Variants in GATAD2B observed in about 807,000 individuals in gnomAD.
GATAD2B encodes the protein transcriptional repressor p66-beta.
Under a neutral mutation model 64.3 loss-of-function variants are expected in GATAD2B, and 8 were observed. The observed-to-expected ratio is 0.12, with a 90% CI of 0.07 to 0.22. GATAD2B has a LOEUF of 0.22. Among genes scored for constraint, GATAD2B ranks in the 10% least tolerant of loss-of-function variants. The pLI is 1.00. For missense variants in GATAD2B, 453 were observed against 752.0 expected, an observed-to-expected ratio of 0.60 and a Z score of 4.65; for synonymous variants, 281 against 271.3, an observed-to-expected ratio of 1.04 and a Z score of -0.35.
intron 1 of GATAD2B, among the ~76,000 whole-genome samples, chr1:153,870,191 T>TCC (rs1341205175): frequency 6.6e-6 from 1 of 152,128 alleles, no homozygotes; most frequent in East Asian, 1.9e-4. Context: ...CCTCAAAAGA[T>TCC]CCACCTGCCT....
intron 9 of GATAD2B, 29 bp downstream of exon 9, chr1:153,811,993 A>G (rs2101875153): frequency 7.0e-7 from 1 of 1,419,908 alleles, no homozygotes; most frequent in South Asian, 1.2e-5. Context: ...TCTTCTAAAG[A>G]AATCAGGATC....
At chr1:153,828,580 A>T (rs572506923) in intron 1 of GATAD2B, among the ~76,000 whole-genome samples, 1 of 152,256 alleles carries the variant, frequency 6.6e-6, no homozygotes, top group African/African-American at 2.4e-5. Context: ...CAACCCAGCA[A>T]TTTAAGTAAA....
At chr1:153,824,372 A>G (rs547485682) in intron 2 of GATAD2B, among the ~76,000 whole-genome samples, 3 of 152,296 alleles carry the variant, frequency 2.0e-5, no homozygotes, top group South Asian at 4.1e-4. Context: ...GCTCACGCCC[A>G]TAATCCCGGC....
Position 153,824,150 on chromosome 1 carries a change from T to C in GATAD2B, c.335+3863A>G, listed in dbSNP as rs533323036. Among the ~76,000 whole-genome samples the C allele has an allele frequency of 1.3e-4, 20 of 152,324 alleles. No homozygotes were observed. The South Asian group carries it at 3.9e-3, about 30-fold the overall frequency. ...ACCCCATGTTGGGTACAGCGGCCCA[T>C]GCCTAATAGTCCCAGCTACTCAGGA... is the stretch of plus-strand genomic sequence containing the variant. On this transcript the variant is annotated intron_variant, in intron 2 of 10. Coordinates refer to ENST00000368655, the MANE Select transcript of GATAD2B (RefSeq NM_020699.4).
In GATAD2B at chr1:153,832,996, A is replaced by C. The variant is rs930116988; in HGVS notation, c.-1-4648T>G. Among the ~76,000 whole-genome samples the C allele has an allele frequency of 2.0e-5, 3 of 152,208 alleles. 1 individual carries two copies. The highest frequency in any genetic ancestry group is 2.0e-4 in the Admixed American group (3 of 15,276). ...GAGGCTAATATGGCTGGTGACTTTAAATTGAAGTCAGTGATCATTTACCAT... is the reference window on the plus strand; with the variant it reads ...GAGGCTAATATGGCTGGTGACTTTACATTGAAGTCAGTGATCATTTACCAT... On this transcript the variant is annotated intron_variant, in intron 1 of 10. Coordinates refer to ENST00000368655, the MANE Select transcript of GATAD2B (RefSeq NM_020699.4).
chr1:153,855,356 GTAGCTGGGAT>G (rs562521980), intron 1 of GATAD2B, among the ~76,000 whole-genome samples: 43 of 151,998 alleles, frequency 2.8e-4, no homozygotes, highest in South Asian at 4.2e-4. Context: ...AGCCTCCCGA[GTAGCTGGGAT>G]TACAGACAGG....
chr1:153,883,627 G>A (rs774031016), intron 1 of GATAD2B, among the ~76,000 whole-genome samples: 1 of 152,002 alleles, frequency 6.6e-6, no homozygotes, highest in Non-Finnish European at 1.5e-5. Flanking sequence ...TGGTAAGTAT[G>A]ATTGTCTATT....
chr1:153,823,902 G>C (rs916351214), intron 2 of GATAD2B, among the ~76,000 whole-genome samples: 5 of 151,648 alleles, frequency 3.3e-5, no homozygotes, highest in Non-Finnish European at 5.9e-5. Context: ...GCTAATTTTT[G>C]TATTTTTAGT....
intron 1 of GATAD2B, among the ~76,000 whole-genome samples, chr1:153,893,152 C>T (rs1677474835): frequency 6.6e-6 from 1 of 152,026 alleles, no homozygotes; most frequent in African/African-American, 2.4e-5. Flanking sequence ...TGAGATTTGC[C>T]CATTAGCATT....
chr1:153,865,460 CA>C (rs1676444760), intron 1 of GATAD2B, among the ~76,000 whole-genome samples: 1 of 151,930 alleles, frequency 6.6e-6, no homozygotes, highest in African/African-American at 2.4e-5. Context: ...GACTCCATCT[CA>C]AAAACAAATA....
intron 1 of GATAD2B, among the ~76,000 whole-genome samples, chr1:153,863,616 A>C (rs1167166098): frequency 6.6e-6 from 1 of 151,808 alleles, no homozygotes; most frequent in East Asian, 1.9e-4. Flanking sequence ...CTCATCTATA[A>C]AAATTCTGTT....
At chr1:153,870,398 C>A (rs1676622239) in intron 1 of GATAD2B, among the ~76,000 whole-genome samples, 1 of 152,066 alleles carries the variant, frequency 6.6e-6, no homozygotes. Flanking sequence ...AGTGAAACCC[C>A]GTCTCTACTA....
chr1:153,879,798 CTG>C (rs1676955311), intron 1 of GATAD2B, among the ~76,000 whole-genome samples: 2 of 144,348 alleles, frequency 1.4e-5, no homozygotes, highest in Admixed American at 1.4e-4. Flanking sequence ...TCATACTAAA[CTG>C]AGCAGAATTA....
chr1:153,810,479 G>C (rs989664658), intron 10 of GATAD2B, among the ~76,000 whole-genome samples, 169 bp from the exon 11 acceptor site: 7 of 151,942 alleles, frequency 4.6e-5, no homozygotes, highest in East Asian at 1.9e-4. Context: ...TTTCTTTTTT[G>C]AGATGCAGTC....
At chr1:153,863,619 A>C (rs1424544328) in intron 1 of GATAD2B, among the ~76,000 whole-genome samples, 1 of 151,776 alleles carries the variant, frequency 6.6e-6, no homozygotes, top group East Asian at 1.9e-4. Context: ...ATCTATAAAA[A>C]TTCTGTTTTT....
intron 1 of GATAD2B, among the ~76,000 whole-genome samples, chr1:153,835,188 T>C (rs995485246): frequency 6.6e-6 from 1 of 152,092 alleles, no homozygotes; most frequent in Admixed American, 6.6e-5. Flanking sequence ...GAAAGTGGTT[T>C]CTTGAGATGG....
intron 1 of GATAD2B, among the ~76,000 whole-genome samples, chr1:153,918,027 G>A (rs953038956): frequency 2.0e-5 from 3 of 152,198 alleles, no homozygotes; most frequent in African/African-American, 7.2e-5. Context: ...CCACTAGAAG[G>A]AATCACTTGG....
intron 1 of GATAD2B, among the ~76,000 whole-genome samples, chr1:153,865,866 T>C (rs1242677551): frequency 1.3e-5 from 2 of 152,110 alleles, no homozygotes; most frequent in Admixed American, 6.6e-5. Flanking sequence ...CACACACTTG[T>C]AACCCCAGCA....
intron 1 of GATAD2B, among the ~76,000 whole-genome samples, chr1:153,835,743 G>C (rs1675238602): frequency 6.6e-6 from 1 of 151,882 alleles, no homozygotes; most frequent in Admixed American, 6.6e-5. Flanking sequence ...ATTTTTTTGA[G>C]ACAGACTCTT....
Sources: gnomAD v4.1 joint callset for allele counts (sites outside exome capture counted in the v4.1 genomes callset) on GRCh38, gnomAD v4.1.1 for gene constraint, MANE v1.5 for transcripts, NCBI Gene and HGNC (gene_info 2026-07-23, HGNC 2026-07-21) for gene names.